Variants in GATA1 observed in about 807,000 individuals in gnomAD.
The protein encoded by GATA1 is erythroid transcription factor.
Under a neutral mutation model 18.9 loss-of-function variants are expected in GATA1, and 2 were observed. The observed-to-expected ratio is 0.11, with a 90% CI of 0.04 to 0.33. The LOEUF (loss-of-function observed/expected upper bound fraction) is 0.33. Among genes scored for constraint, GATA1 ranks in the 10% least tolerant of loss-of-function variants. GATA1 has a pLI of 1.00. For missense variants in GATA1, 272 were observed against 344.7 expected (o/e 0.79, Z 1.67); for synonymous variants, 152 against 149.1 (o/e 1.02, Z -0.14).
At chrX:48,791,033 G>C in intron 1 of GATA1, 58 bp from the exon 2 acceptor site, 1 of 792,999 alleles carries the variant, frequency 1.3e-6, no homozygotes, top group Non-Finnish European at 1.9e-6. Context: ...AGAGGAGCAG[G>C]TGAAAGGAGG....
chrX:48,787,102 C>G (rs1052213301), intron 1 of GATA1, among the ~76,000 whole-genome samples: 39 of 110,368 alleles, frequency 3.5e-4, no homozygotes, highest in African/African-American at 1.3e-3. Flanking sequence ...CTTGTCTTTG[C>G]CCCACTCTCT....
At chrX:48,790,268 C>A (rs1398826333) in intron 1 of GATA1, among the ~76,000 whole-genome samples, 1 of 108,473 alleles carries the variant, frequency 9.2e-6, no homozygotes, top group Non-Finnish European at 1.9e-5. Flanking sequence ...GCCTGGGCAA[C>A]AGAGTCATAC....
intron 1 of GATA1, among the ~76,000 whole-genome samples, chrX:48,789,262 G>A (rs782358790): frequency 9.6e-6 from 1 of 104,143 alleles, no homozygotes; most frequent in African/African-American, 3.6e-5. Context: ...AGCTGAGATC[G>A]CACCACTGCA....
intron 5 of GATA1, 80 bp from the exon 6 acceptor site, chrX:48,793,713 G>A: frequency 8.7e-7 from 1 of 1,147,155 alleles, no homozygotes; most frequent in Admixed American, 2.3e-5. Context: ...TGAAAGAAGT[G>A]GGGTAGAGAG....
In GATA1 at chrX:48,791,872, T is replaced by C. The variant is rs1292811624; in HGVS notation, c.249T>C (p.Cys83=). 1 of 1,211,728 alleles carries C rather than the reference T, an allele frequency of 8.3e-7. No homozygotes were observed. The highest frequency in any genetic ancestry group is 1.1e-6 in the Non-Finnish European group (1 of 895,388). Residue 83 remains cysteine (C), a synonymous_variant, in exon 3 of 6, where the codon TGT becomes TGC. Transcript: ENST00000376670. ...PVFQVYPLLN[C]MEGIPGGSPY... is the part of the protein sequence containing the mutation. ...TTCAGGTGTACCCATTGCTCAACTGTATGGAGGGGATCCCAGGGGGCTCAC... is the reference window on the plus strand; with the variant it reads ...TTCAGGTGTACCCATTGCTCAACTGCATGGAGGGGATCCCAGGGGGCTCAC...
At chrX:48,789,045 G>A (rs1269518425) in intron 1 of GATA1, among the ~76,000 whole-genome samples, 3 of 112,533 alleles carry the variant, frequency 2.7e-5, no homozygotes, top group Non-Finnish European at 3.8e-5. Context: ...AGTGGCTCAC[G>A]CCTATAACCT....
In GATA1 at chrX:48,791,099, C is replaced by A. The variant is rs782205532; in HGVS notation, c.-11C>A. Reference sequence around the variant, plus strand: ...CCCTTCTGTCCTCGCAGGTTAATCCCCAGAGGCTCCATGGAGTTCCCTGGC... The same window carrying A: ...CCCTTCTGTCCTCGCAGGTTAATCCACAGAGGCTCCATGGAGTTCCCTGGC... On this transcript the variant is annotated 5_prime_UTR_variant, in exon 2 of 6. Transcript: ENST00000376670. 9.7e-5 allele frequency: 116 copies of A among 1,194,670 alleles called. No homozygotes were observed. Among genetic ancestry groups the A allele is most frequent in the Non-Finnish European group, 1.2e-4 (103 of 884,092 alleles).
intron 1 of GATA1, among the ~76,000 whole-genome samples, chrX:48,790,865 G>A (rs1343207379): frequency 1.0e-5 from 1 of 98,793 alleles, no homozygotes; most frequent in Non-Finnish European, 2.1e-5. Context: ...ACACAGGAGT[G>A]GAACGGGGAG....
chrX:48,790,982 G>A, intron 1 of GATA1, 109 bp from the exon 2 acceptor site: 1 of 531,024 alleles, frequency 1.9e-6, no homozygotes, highest in East Asian at 3.7e-5. Flanking sequence ...GAGAAATATG[G>A]AGACTGAGGT....
chrX:48,790,515 G>A (rs1362286974), intron 1 of GATA1, among the ~76,000 whole-genome samples: 2 of 109,142 alleles, frequency 1.8e-5, no homozygotes, highest in East Asian at 2.9e-4. Flanking sequence ...AAAGGAGAAT[G>A]AAGACAAAAA....
At chrX:48,790,126 T>C (rs1435152340) in intron 1 of GATA1, among the ~76,000 whole-genome samples, 11 of 102,736 alleles carry the variant, frequency 1.1e-4, no homozygotes, top group Non-Finnish European at 1.8e-4. Flanking sequence ...AGAAAATGAG[T>C]AGTAGGAGAA....
chrX:48,793,056 A>G (rs782810903), intron 4 of GATA1, 116 bp from the exon 5 acceptor site: 9 of 790,785 alleles, frequency 1.1e-5, no homozygotes, highest in African/African-American at 6.2e-5. Context: ...CCTGTAAACA[A>G]AGCCCTGCCT....
In GATA1 at chrX:48,791,869, C is replaced by G; in HGVS notation, c.246C>G (p.Asn82Lys). 8.3e-7 allele frequency: 1 copy of G among 1,211,976 alleles called. No individual in the cohort carries two copies. The highest frequency in any genetic ancestry group is 1.1e-6 in the Non-Finnish European group (1 of 895,474). The change falls in exon 3 of 6, where the codon AAC (asparagine) becomes AAG (lysine). Residue 82 changes from asparagine (N) to lysine (K), a missense_variant. Around this residue, in one of 3 missense-constraint regions of GATA1, gnomAD observed 147 missense variants for 157.4 expected, o/e 0.93. Coordinates refer to ENST00000376670, the MANE Select transcript of GATA1 (RefSeq NM_002049.4). ...SPVFQVYPLL[N>K]CMEGIPGGSP... is the part of the protein sequence containing the mutation. ...TCTTTCAGGTGTACCCATTGCTCAA[C>G]TGTATGGAGGGGATCCCAGGGGGCT...
At chrX:48,791,509 C>T (rs1557020103) in intron 2 of GATA1, among the ~76,000 whole-genome samples, 180 bp downstream of exon 2, 1 of 112,130 alleles carries the variant, frequency 8.9e-6, no homozygotes, top group Non-Finnish European at 1.9e-5. Context: ...CAATGCTCCT[C>T]AACCTGCCAT....
At chrX:48,788,329 A>G (rs182015204) in intron 1 of GATA1, among the ~76,000 whole-genome samples, 25 of 110,928 alleles carry the variant, frequency 2.3e-4, no homozygotes, top group Non-Finnish European at 3.0e-4. Context: ...AAACTCAACG[A>G]GTAAGAGACA....
chrX:48,793,188 C>T lies in GATA1; in HGVS notation c.761C>T (p.Ala254Val). The T allele has an allele frequency of 8.3e-7, 1 of 1,210,258 alleles. No individual in the cohort carries two copies. The highest frequency in any genetic ancestry group is 1.1e-6 in the Non-Finnish European group (1 of 894,546). ...GTCCCCTAGATTGTCAGTAAACGGG[C>T]AGGTACTCAGTGCACCAACTGCCAG... ...PKKRLIVSKR[A>V]GTQCTNCQTT... is the part of the protein sequence containing the mutation. Residue 254 changes from alanine (A) to valine (V), a missense_variant, in exon 5 of 6, where the codon GCA (alanine) becomes GTA (valine). By Grantham distance (64) the Ala-to-Val change is moderately conservative. Transcript: ENST00000376670.
At chrX:48,792,838 TC>T (rs1248409436) in intron 4 of GATA1, among the ~76,000 whole-genome samples, 1 of 111,883 alleles carries the variant, frequency 8.9e-6, no homozygotes, top group Non-Finnish European at 1.9e-5. Flanking sequence ...CACACTGGAA[TC>T]ACCCCAGGTC....
intron 4 of GATA1, 140 bp downstream of exon 4, chrX:48,792,608 C>T: frequency 2.6e-6 from 2 of 763,701 alleles, no homozygotes; most frequent in Non-Finnish European, 3.9e-6. Flanking sequence ...TATGGGAACC[C>T]CTGTCCCAAT....
At chrX:48,793,566 C>A (rs1318882752) in intron 5 of GATA1, among the ~76,000 whole-genome samples, 4 of 106,873 alleles carry the variant, frequency 3.7e-5, no homozygotes, top group African/African-American at 1.4e-4. Flanking sequence ...TCCCCCACCT[C>A]CAGGCATCAG....
Sources: gnomAD v4.1 joint callset for allele counts (sites outside exome capture counted in the v4.1 genomes callset) on GRCh38, gnomAD v4.1.1 for gene constraint, gnomAD v4.1.1 regional missense constraint, MANE v1.5 for transcripts, NCBI Gene and HGNC (gene_info 2026-07-23, HGNC 2026-07-21) for gene names.